The following SMYD3 variants were observed in gnomAD, a reference collection of about 807,000 sequenced individuals.
SMYD3 encodes the protein SET and MYND domain containing 3.
Under a neutral mutation model 57.7 loss-of-function variants are expected in SMYD3, and 36 were observed. The observed-to-expected ratio is 0.62, with a 90% CI of 0.48 to 0.82. SMYD3 has a LOEUF of 0.82. Ranked by LOEUF, SMYD3 falls within the 40% of genes least tolerant of loss-of-function variation. The pLI, the probability that SMYD3 is intolerant of heterozygous loss-of-function variation, is 0.00. For missense variants in SMYD3, 515 were observed against 538.8 expected (o/e 0.96, Z 0.44); for synonymous variants, 211 against 195.0 (o/e 1.08, Z -0.68).
intron 2 of SMYD3, among the ~76,000 whole-genome samples, chr1:246,351,378 C>A (rs976284322): frequency 6.6e-6 from 1 of 152,162 alleles, no homozygotes; most frequent in Non-Finnish European, 1.5e-5. Context: ...AATTGACTTA[C>A]TTGCTATCAC....
At chr1:246,038,119 T>C (rs1411723707) in intron 5 of SMYD3, among the ~76,000 whole-genome samples, 1 of 152,250 alleles carries the variant, frequency 6.6e-6, no homozygotes, top group Non-Finnish European at 1.5e-5. Context: ...AGGGAAATTA[T>C]CTTTTCTCTG....
intron 5 of SMYD3, among the ~76,000 whole-genome samples, chr1:246,182,452 C>T (rs2062568177): frequency 6.6e-6 from 1 of 152,132 alleles, no homozygotes; most frequent in African/African-American, 2.4e-5. Flanking sequence ...GTAAAAAGGA[C>T]AACTGGAGAC....
intron 10 of SMYD3, among the ~76,000 whole-genome samples, chr1:245,809,553 A>G (rs368931939): frequency 6.6e-6 from 1 of 152,252 alleles, no homozygotes; most frequent in Non-Finnish European, 1.5e-5. Flanking sequence ...GCAGCTGGTC[A>G]TACAGACAAA....
At chr1:246,110,910 A>G (rs923185753) in intron 5 of SMYD3, among the ~76,000 whole-genome samples, 1 of 152,154 alleles carries the variant, frequency 6.6e-6, no homozygotes, top group Non-Finnish European at 1.5e-5. Context: ...AACCATGTTC[A>G]TGGTTTAGGA....
At chr1:246,324,462 T>G (rs925233640) in intron 5 of SMYD3, among the ~76,000 whole-genome samples, 9 of 146,002 alleles carry the variant, frequency 6.2e-5, no homozygotes, top group Non-Finnish European at 1.4e-4. Context: ...ATAAGCTTAG[T>G]ATGTCTATTA....
chr1:246,368,304 AG>A (rs1447234196), intron 1 of SMYD3, among the ~76,000 whole-genome samples: 2 of 152,126 alleles, frequency 1.3e-5, no homozygotes, highest in Non-Finnish European at 2.9e-5. Context: ...TGGGTGTCAG[AG>A]GGAAAGAGTA....
intron 10 of SMYD3, among the ~76,000 whole-genome samples, chr1:245,778,977 T>C (rs1464597155): frequency 6.6e-6 from 1 of 151,992 alleles, no homozygotes; most frequent in African/African-American, 2.4e-5. Context: ...CTGGCCAACA[T>C]GGTGAAATCC....
chr1:246,112,564 T>C lies in SMYD3; in HGVS notation c.532-182627A>G, dbSNP rs192693981. Among the ~76,000 whole-genome samples the C allele has an allele frequency of 7.2e-5, 11 of 152,312 alleles. No homozygotes were observed. The East Asian group carries it at 2.1e-3, about 29-fold the overall frequency. On this transcript the variant is annotated intron_variant, in intron 5 of 11. Coordinates refer to ENST00000490107, the MANE Select transcript of SMYD3 (RefSeq NM_001167740.2). Reference sequence around the variant, plus strand: ...TTGCTAACAAAAAAGGGATCAGAGCTAAATGGATCCAATTTTTCCTCCTTC... The same window carrying C: ...TTGCTAACAAAAAAGGGATCAGAGCCAAATGGATCCAATTTTTCCTCCTTC...
chr1:246,133,095 C>T (rs1444408672), intron 5 of SMYD3, among the ~76,000 whole-genome samples: 1 of 151,344 alleles, frequency 6.6e-6, no homozygotes, highest in Non-Finnish European at 1.5e-5. Flanking sequence ...CTTAAAAAAA[C>T]ATAAAAATAA....
intron 10 of SMYD3, among the ~76,000 whole-genome samples, chr1:245,828,129 A>G (rs1386927775): frequency 6.6e-6 from 1 of 152,244 alleles, no homozygotes; most frequent in East Asian, 1.9e-4. Context: ...CTTTATCCAC[A>G]TATTAAATAA....
At chr1:246,383,677 T>C (rs1330645960) in intron 1 of SMYD3, among the ~76,000 whole-genome samples, 1 of 152,168 alleles carries the variant, frequency 6.6e-6, no homozygotes, top group Non-Finnish European at 1.5e-5. Context: ...AATATCAAGA[T>C]GGGGTCAGGC....
At chr1:246,072,731 C>T (rs2060479654) in intron 5 of SMYD3, among the ~76,000 whole-genome samples, 1 of 151,502 alleles carries the variant, frequency 6.6e-6, no homozygotes, top group Non-Finnish European at 1.5e-5. Context: ...TTGGCGGGCA[C>T]CATCCAATCA....
At chr1:246,095,539 C>T (rs982619492) in intron 5 of SMYD3, among the ~76,000 whole-genome samples, 43 of 152,204 alleles carry the variant, frequency 2.8e-4, no homozygotes, top group Non-Finnish European at 5.1e-4. Context: ...ACCTGGACAT[C>T]TGAGCTTGGG....
intron 5 of SMYD3, among the ~76,000 whole-genome samples, chr1:246,100,294 A>T (rs530216220): frequency 6.6e-6 from 1 of 152,296 alleles, no homozygotes; most frequent in Admixed American, 6.5e-5. Flanking sequence ...ATTAAAAGGG[A>T]GTTCATTTTT....
intron 1 of SMYD3, among the ~76,000 whole-genome samples, chr1:246,490,972 T>A (rs1258936541): frequency 8.0e-6 from 1 of 124,802 alleles, no homozygotes; most frequent in East Asian, 3.2e-4. Flanking sequence ...CACAAAATAC[T>A]TCCACATGTT....
At chr1:245,962,184 AACC>A (rs975487156) in intron 5 of SMYD3, among the ~76,000 whole-genome samples, 26 of 152,214 alleles carry the variant, frequency 1.7e-4, no homozygotes, top group African/African-American at 4.6e-4. Flanking sequence ...ACCATTTAAA[AACC>A]ACCAACTTCA....
chr1:246,291,052 T>C (rs981655654), intron 5 of SMYD3, among the ~76,000 whole-genome samples: 1 of 151,778 alleles, frequency 6.6e-6, no homozygotes, highest in African/African-American at 2.4e-5. Flanking sequence ...AAAAAATACA[T>C]AGGTTAATAA....
chr1:246,427,530 A>AT (rs200633802), intron 1 of SMYD3, among the ~76,000 whole-genome samples: 2,591 of 151,016 alleles, frequency 0.017, 57 homozygotes, highest in African/African-American at 0.048. Context: ...AAAAAAAAAA[A>AT]AAATAAAAAA....
intron 6 of SMYD3, among the ~76,000 whole-genome samples, chr1:245,929,355 T>A (rs923319692): frequency 1.1e-4 from 17 of 152,222 alleles, no homozygotes; most frequent in African/African-American, 4.1e-4. Flanking sequence ...ATAGTGCTTG[T>A]GGAGAGACGG....
Sources: allele counts gnomAD v4.1 joint callset (sites outside exome capture counted in the v4.1 genomes callset), GRCh38; gene constraint gnomAD v4.1.1; transcripts MANE v1.5; gene names NCBI Gene and HGNC (gene_info 2026-07-23, HGNC 2026-07-21).